Variants in HACD2 observed in about 807,000 individuals in gnomAD.
HACD2 encodes 3-hydroxyacyl-CoA dehydratase 2, also known as very-long-chain (3R)-3-hydroxyacyl-CoA dehydratase 2.
HACD2 carries 15 observed loss-of-function variants against 31.0 expected under a neutral mutation model. The ratio of observed to expected loss-of-function variants is 0.48; its 90% confidence interval spans 0.32 to 0.75. The LOEUF is 0.75. Among genes scored for constraint, HACD2 ranks in the 30% least tolerant of loss-of-function variants. The pLI is 0.03. For synonymous variants in HACD2, 115 were observed against 122.2 expected (o/e 0.94, Z 0.39); for missense variants, 283 against 313.0 (o/e 0.90, Z 0.72).
intron 2 of HACD2, among the ~76,000 whole-genome samples, chr3:123,573,564 G>C (rs936124736): frequency 6.6e-5 from 10 of 152,192 alleles, no homozygotes; most frequent in African/African-American, 1.9e-4. Context: ...GACAGGGTGA[G>C]TGGTGAGTCT....
chr3:123,543,721 T>C (rs2056521226), intron 3 of HACD2: 1 of 417,542 alleles, frequency 2.4e-6, no homozygotes. Flanking sequence ...ATGTAGACAC[T>C]GGATATGCAT....
In HACD2 at chr3:123,567,754, A is replaced by G. The variant is rs771064660; in HGVS notation, c.292+8T>C. The G allele has an allele frequency of 5.4e-6, 8 of 1,479,992 alleles. No homozygotes were observed. In the Admixed American group the frequency reaches 9.3e-5, roughly 17 times the overall value. The allele number at this position is 1,479,992 out of a possible 1,614,324, so 91.7% of individuals were successfully genotyped here. On this transcript the variant is annotated splice_region_variant and intron_variant, in intron 3 of 6. Coordinates refer to ENST00000383657, the MANE Select transcript of HACD2 (RefSeq NM_198402.5). ...CTGTACATAGTAGGGGGGAATATCC[A>G]TACTTACCTATAGCACAATGTAAAA... is the stretch of plus-strand genomic sequence containing the variant.
intron 4 of HACD2, among the ~76,000 whole-genome samples, chr3:123,518,711 C>G (rs1045982232): frequency 2.6e-5 from 4 of 152,026 alleles, no homozygotes; most frequent in Non-Finnish European, 5.9e-5. Context: ...TAAGCCAGAG[C>G]AAAGGCCGGG....
chr3:123,533,885 T>C (rs1293388421), intron 3 of HACD2, among the ~76,000 whole-genome samples: 4 of 152,208 alleles, frequency 2.6e-5, no homozygotes, highest in African/African-American at 9.7e-5. Context: ...TGATTACAAC[T>C]TGGTTTCAGA....
intron 4 of HACD2, among the ~76,000 whole-genome samples, chr3:123,510,566 T>C (rs1412875465): frequency 8.5e-5 from 13 of 152,232 alleles, no homozygotes; most frequent in Admixed American, 7.8e-4. Flanking sequence ...TGTGTATTTC[T>C]ATGTCTGGTT....
intron 3 of HACD2, among the ~76,000 whole-genome samples, chr3:123,542,370 A>T (rs2056504175): frequency 6.6e-6 from 1 of 152,184 alleles, no homozygotes; most frequent in Non-Finnish European, 1.5e-5. Context: ...AACTTAGTGA[A>T]TATTAAAAAA....
chr3:123,572,378 T>A (rs1285061724), intron 2 of HACD2, among the ~76,000 whole-genome samples: 3 of 152,158 alleles, frequency 2.0e-5, no homozygotes, highest in Non-Finnish European at 4.4e-5. Flanking sequence ...CCTGGTGGCA[T>A]GTGCCTGTAG....
chr3:123,566,297 T>A (rs1001860656), intron 3 of HACD2, among the ~76,000 whole-genome samples: 4 of 152,014 alleles, frequency 2.6e-5, no homozygotes, highest in African/African-American at 4.8e-5. Flanking sequence ...CTTTTTTTTT[T>A]ATTTTTTAAA....
intron 4 of HACD2, among the ~76,000 whole-genome samples, chr3:123,512,582 G>C (rs762065837): frequency 6.6e-6 from 1 of 152,188 alleles, no homozygotes; most frequent in African/African-American, 2.4e-5. Context: ...GAGGTGACAG[G>C]TGGAAGAGAT....
chr3:123,524,114 C>T (rs965901872), intron 4 of HACD2, among the ~76,000 whole-genome samples: 5 of 152,144 alleles, frequency 3.3e-5, no homozygotes, highest in African/African-American at 1.2e-4. Context: ...TTGGGTTAGG[C>T]TTCAAGTAAA....
chr3:123,570,117 G>A (rs2107750848), intron 2 of HACD2, among the ~76,000 whole-genome samples: 1 of 148,162 alleles, frequency 6.7e-6, no homozygotes, highest in South Asian at 2.2e-4. Context: ...GCATGACAGA[G>A]CAGTAGGTCT....
chr3:123,517,158 G>A (rs1415691782), intron 4 of HACD2, among the ~76,000 whole-genome samples: 6 of 152,168 alleles, frequency 3.9e-5, no homozygotes, highest in African/African-American at 1.2e-4. Context: ...ACAACCTGAT[G>A]GCTGTCTCTT....
At chr3:123,510,317 G>A (rs1222832544) in intron 4 of HACD2, among the ~76,000 whole-genome samples, 6 of 152,068 alleles carry the variant, frequency 3.9e-5, no homozygotes, top group African/African-American at 4.8e-5. Context: ...GTCCAATCTC[G>A]GCTCACTGAA....
At chr3:123,582,812 C>T (rs1325305157) in intron 1 of HACD2, among the ~76,000 whole-genome samples, 1 of 152,050 alleles carries the variant, frequency 6.6e-6, no homozygotes, top group Non-Finnish European at 1.5e-5. Context: ...TAAAATCTAT[C>T]CTTTTAAAAT....
intron 3 of HACD2, among the ~76,000 whole-genome samples, chr3:123,541,227 C>T (rs1286466066): frequency 6.6e-6 from 1 of 152,076 alleles, no homozygotes; most frequent in Admixed American, 6.5e-5. Flanking sequence ...GCCAAGATTG[C>T]ACCACTGCAC....
At chr3:123,538,900 G>A (rs999100176) in intron 3 of HACD2, among the ~76,000 whole-genome samples, 7 of 152,144 alleles carry the variant, frequency 4.6e-5, no homozygotes, top group Non-Finnish European at 8.8e-5. Flanking sequence ...AAGGAAGAAC[G>A]AACACTTTCA....
intron 4 of HACD2, among the ~76,000 whole-genome samples, chr3:123,508,061 G>A (rs2056001393): frequency 6.6e-6 from 1 of 152,104 alleles, no homozygotes; most frequent in Non-Finnish European, 1.5e-5. Context: ...GATAAAAGGG[G>A]CATTTAGGGC....
At chr3:123,584,766 A>C in intron 1 of HACD2, 107 bp downstream of exon 1, 5 of 883,180 alleles carry the variant, frequency 5.7e-6, no homozygotes, top group Non-Finnish European at 7.9e-6. Context: ...CCCGCCGGGA[A>C]TGCACTGCCT....
chr3:123,525,233 G>C (rs2056265987), intron 4 of HACD2, among the ~76,000 whole-genome samples: 1 of 152,136 alleles, frequency 6.6e-6, no homozygotes, highest in South Asian at 2.1e-4. Context: ...AAAGGAAAAA[G>C]GTGGATGGGG....
Sources: gnomAD v4.1 joint callset for allele counts (sites outside exome capture counted in the v4.1 genomes callset) on GRCh38, gnomAD v4.1.1 for gene constraint, MANE v1.5 for transcripts, NCBI Gene and HGNC (gene_info 2026-07-23, HGNC 2026-07-21) for gene names.